The following SEC14L5 variants were observed in gnomAD, a reference collection of about 807,000 sequenced individuals.
SEC14L5 encodes the protein SEC14-like protein 5.
SEC14L5 carries 96 observed loss-of-function variants against 84.6 expected under a neutral mutation model. The observed-to-expected ratio is 1.13, with a 90% confidence interval of 0.96 to 1.34. The LOEUF is 1.34. Among genes scored for constraint, SEC14L5 ranks in the 40% most tolerant of loss-of-function variants. The probability of loss-of-function intolerance (pLI) is 0.00; values close to 1 mark genes in which losing one functional copy is unlikely to be tolerated. For missense variants in SEC14L5, 1,224 were observed against 942.5 expected, an observed-to-expected ratio of 1.30 and a Z score of -3.91; for synonymous variants, 546 against 383.4, an observed-to-expected ratio of 1.42 and a Z score of -4.95.
chr16:4,991,756 G>A, intron 5 of SEC14L5, 82 bp from the exon 6 acceptor site: 3 of 908,050 alleles, frequency 3.3e-6, no homozygotes, highest in South Asian at 3.7e-5. Flanking sequence ...TGAGCCGGCT[G>A]GGGGTGACTC....
rs760180046 is a variant in SEC14L5, at chr16:5,007,450, C to T, written c.1536C>T (p.Tyr512=). The stretch of plus-strand genomic sequence containing the variant: ...AGCTGTGGCAGTGGAGTGAGACCTA[C>T]CATTCAGCCAGCGTGCTCCGCGGAG... ...TDQLWQWSET[Y]HSASVLRGAP... Residue 512 remains tyrosine, a synonymous_variant, in exon 13 of 16, where the codon TAC becomes TAT. Transcript: ENST00000251170. The T allele has an allele frequency of 1.2e-6, 2 of 1,613,748 alleles. No homozygotes were observed. Among genetic ancestry groups the T allele is most frequent in the African/African-American group, 2.7e-5 (2 of 74,920 alleles).
Position 4,967,980 on chromosome 16 carries a change from C to A in SEC14L5, c.63+8594C>A, listed in dbSNP as rs1347575134. ...CTCCCCCTTCCCCTCCCTTCCCCTC[C>A]CCTCTCCTTCCCTTCCCTTTCTCCC... On this transcript the variant is annotated intron_variant, in intron 2 of 15. Transcript: ENST00000251170. 2.9e-5 allele frequency among the ~76,000 whole-genome samples: 4 copies of A among 138,538 alleles called. 1 individual carries two copies. In the South Asian group the frequency reaches 1.0e-3, roughly 36 times the overall value. The allele number at this position is 138,538 out of a possible 152,430, so 90.9% of individuals were successfully genotyped here. A position where few individuals can be genotyped will look rare whatever the true frequency, so the allele number is the denominator to read the frequency against.
At chr16:5,005,628 G>A (rs1367401411) in intron 11 of SEC14L5, among the ~76,000 whole-genome samples, 4 of 151,956 alleles carry the variant, frequency 2.6e-5, no homozygotes, top group East Asian at 1.9e-4. Context: ...TTGGGAGGCC[G>A]AGGCAGGTGG....
rs1380783750 is a variant in SEC14L5 at position 4,978,437 on chromosome 16, G to A, written c.64-9120G>A. Among the ~76,000 whole-genome samples, 101 of 115,172 alleles carry A rather than the reference G, an allele frequency of 8.8e-4. 2 individuals carry two copies. Among genetic ancestry groups the A allele is most frequent in the Middle Eastern group, 4.1e-3 (1 of 242 alleles). 75.6% of individuals were successfully genotyped at this position (115,172 alleles called of 152,430 possible). A position where few individuals can be genotyped will look rare whatever the true frequency, so the allele number is the denominator to read the frequency against. ...GTCTCAAAAAAAAAAGGAAAAAAAAGAAACAAGATCTTGCTCTGCCACCCA... is the reference window on the plus strand; with the variant it reads ...GTCTCAAAAAAAAAAGGAAAAAAAAAAAACAAGATCTTGCTCTGCCACCCA... On this transcript the variant is annotated intron_variant, in intron 2 of 15. Transcript: ENST00000251170.
At chr16:4,969,820 CT>C (rs1050575299) in intron 2 of SEC14L5, among the ~76,000 whole-genome samples, 56,533 of 141,000 alleles carry the variant, frequency 0.4, 10,887 homozygotes, top group Non-Finnish European at 0.46. Context: ...TTTTTCTTTC[CT>C]TTTTTTTTTT....
chr16:4,964,627 G>A (rs1177664184), intron 2 of SEC14L5, among the ~76,000 whole-genome samples: 1 of 151,914 alleles, frequency 6.6e-6, no homozygotes, highest in Non-Finnish European at 1.5e-5. Context: ...TCTGCTCGAG[G>A]CCTCAGCACA....
Position 5,005,588 on chromosome 16 carries a change from G to A in SEC14L5, c.1303-326G>A, listed in dbSNP as rs563067252. ...TAAAAAAATACATCCATGGTCAGGCGTGGTGGCTCACACCTGTAATCCCAG... is the reference window on the plus strand; with the variant it reads ...TAAAAAAATACATCCATGGTCAGGCATGGTGGCTCACACCTGTAATCCCAG... On this transcript the variant is annotated intron_variant, in intron 11 of 15. Transcript: ENST00000251170. 4.6e-5 allele frequency among the ~76,000 whole-genome samples: 7 copies of A among 152,026 alleles called. No individual in the cohort carries two copies. In the South Asian group the frequency reaches 8.3e-4, roughly 18 times the overall value.
At chr16:4,994,529 A>G (rs1008218662) in intron 6 of SEC14L5, among the ~76,000 whole-genome samples, 4 of 152,026 alleles carry the variant, frequency 2.6e-5, no homozygotes, top group Non-Finnish European at 5.9e-5. Flanking sequence ...TTTTTAGTAG[A>G]GACAGGGTTT....
chr16:4,967,858 C>T (rs1211635973), intron 2 of SEC14L5, among the ~76,000 whole-genome samples: 3 of 150,986 alleles, frequency 2.0e-5, no homozygotes, highest in African/African-American at 2.4e-5. Flanking sequence ...CCACCTACCT[C>T]GGCCTCCCAA....
At chr16:4,993,317 A>G (rs774312510) in intron 6 of SEC14L5, among the ~76,000 whole-genome samples, 3 of 152,070 alleles carry the variant, frequency 2.0e-5, no homozygotes, top group Non-Finnish European at 4.4e-5. Context: ...TCTCAGCTCA[A>G]TGCAACCTCT....
At chr16:4,977,947 C>T (rs12928699) in intron 2 of SEC14L5, among the ~76,000 whole-genome samples, 18,995 of 149,696 alleles carry the variant, frequency 0.13, 1,764 homozygotes, top group East Asian at 0.5. Flanking sequence ...ATTACAGGTG[C>T]GCACCACCAC....
At chr16:4,971,533 C>T (rs1264566372) in intron 2 of SEC14L5, among the ~76,000 whole-genome samples, 1 of 152,190 alleles carries the variant, frequency 6.6e-6, no homozygotes, top group Non-Finnish European at 1.5e-5. Flanking sequence ...TTGTTCATGG[C>T]TGATTCATTG....
Position 5,006,001 on chromosome 16 carries a change from T to C in SEC14L5, c.1390T>C (p.Tyr464His). The C allele has an allele frequency of 6.2e-7, 1 of 1,613,754 alleles. No individual in the cohort carries two copies. The highest frequency in any genetic ancestry group is 1.1e-5 in the South Asian group (1 of 91,062). ...NYQGPGGLVDYLDREVIPDFL... is the reference protein window; with the variant it reads ...NYQGPGGLVDHLDREVIPDFL... Reference sequence around the variant, plus strand: ...CCAGGGACCCGGAGGCCTTGTGGACTATCTGGATAGAGAAGTGATCCCTGA... The same window carrying C: ...CCAGGGACCCGGAGGCCTTGTGGACCATCTGGATAGAGAAGTGATCCCTGA... Residue 464 changes from tyrosine (Y) to histidine (H), a missense_variant, in exon 12 of 16, where the codon TAT becomes CAT. Transcript: ENST00000251170.
At chr16:4,998,471 G>A (rs1030392514) in intron 8 of SEC14L5, among the ~76,000 whole-genome samples, 1 of 150,894 alleles carries the variant, frequency 6.6e-6, no homozygotes, top group Non-Finnish European at 1.5e-5. Context: ...GGGCGCGGTG[G>A]CTCACGCCTG....
At position 5,016,901 on chromosome 16, in the gene SEC14L5, G is replaced by C. The variant is rs1465305989; in HGVS notation, c.*1931G>C. 2 of 152,246 alleles carry C rather than the reference G, an allele frequency of 1.3e-5. No homozygotes were observed. Among genetic ancestry groups the C allele is most frequent in the Non-Finnish European group, 1.5e-5 (1 of 68,048 alleles). 9.4% of individuals were successfully genotyped at this position (152,246 alleles called of 1,614,324 possible). On this transcript the variant is annotated 3_prime_UTR_variant, in exon 16 of 16. Coordinates refer to ENST00000251170, the MANE Select transcript of SEC14L5 (RefSeq NM_014692.2). ...ATTGCTTTGCACTCTGCGTCAAGGT[G>C]TGTGTGCACATGTGTGCATAAGAGA...
intron 5 of SEC14L5, among the ~76,000 whole-genome samples, chr16:4,991,162 CTTTTTTT>C (rs35980290): frequency 1.2e-5 from 1 of 85,476 alleles, no homozygotes; most frequent in African/African-American, 4.4e-5. Context: ...TTCTGTGGTG[CTTTTTTT>C]TTTTTTTTTT....
At chr16:4,969,799 T>C (rs904174377) in intron 2 of SEC14L5, among the ~76,000 whole-genome samples, 1 of 151,478 alleles carries the variant, frequency 6.6e-6, no homozygotes, top group African/African-American at 2.4e-5. Context: ...TGTGTCTGTC[T>C]TGTCTGGTTC....
At chr16:4,996,486 A>T in intron 7 of SEC14L5, 26 bp downstream of exon 7, 2 of 1,311,482 alleles carry the variant, frequency 1.5e-6, no homozygotes, top group Non-Finnish European at 2.2e-6. Context: ...ACCCTGGAGC[A>T]GTGGATGAAT....
intron 10 of SEC14L5, among the ~76,000 whole-genome samples, chr16:5,001,250 CTTTTTTTTTTT>C (rs371571869): frequency 7.9e-6 from 1 of 126,168 alleles, no homozygotes; most frequent in African/African-American, 2.9e-5. Context: ...CTTGACTTTG[CTTTTTTTTTTT>C]TTTTTTTTCT....
Sources: allele counts gnomAD v4.1 joint callset (sites outside exome capture counted in the v4.1 genomes callset), GRCh38; gene constraint gnomAD v4.1.1; transcripts MANE v1.5; gene names NCBI Gene and HGNC (gene_info 2026-07-23, HGNC 2026-07-21).